Variants in CEP83 observed in about 807,000 individuals in gnomAD.
The protein encoded by CEP83 is centrosomal protein 83.
Under a neutral mutation model 101.9 loss-of-function variants are expected in CEP83, and 70 were observed. The observed-to-expected ratio is 0.69, with a 90% CI of 0.57 to 0.84. The LOEUF (loss-of-function observed/expected upper bound fraction) is 0.84, where lower values mean the gene tolerates loss of function less well. Among genes scored for constraint, CEP83 ranks in the 40% least tolerant of loss-of-function variants. The pLI is 0.00. For synonymous variants in CEP83, 264 were observed against 267.9 expected (o/e 0.99, Z 0.14); for missense variants, 715 against 787.2 (o/e 0.91, Z 1.10).
intron 1 of CEP83, among the ~76,000 whole-genome samples, chr12:94,458,467 G>C (rs138666495): frequency 6.6e-6 from 1 of 152,166 alleles, no homozygotes; most frequent in East Asian, 1.9e-4. Flanking sequence ...GGCCTGGTGC[G>C]GTGGCTCACA....
At chr12:94,433,578 G>A (rs2065795463) in intron 2 of CEP83, among the ~76,000 whole-genome samples, 1 of 151,914 alleles carries the variant, frequency 6.6e-6, no homozygotes, top group Non-Finnish European at 1.5e-5. Context: ...CTACTCAGGT[G>A]GCTGAGGTGG....
chr12:94,294,044 T>A, the CEP83 span, among the ~76,000 whole-genome samples: 1 of 152,302 alleles, frequency 6.6e-6, no homozygotes, highest in East Asian at 1.9e-4. Flanking sequence ...AACATAGGAA[T>A]CTGGAGGAGA....
intron 2 of CEP83, among the ~76,000 whole-genome samples, chr12:94,421,793 TACA>T (rs1046219872): frequency 2.6e-5 from 4 of 152,228 alleles, no homozygotes; most frequent in African/African-American, 9.6e-5. Context: ...TACAAACCTG[TACA>T]ACATGTTACT....
At chr12:94,444,140 C>T (rs1207971677) in intron 1 of CEP83, among the ~76,000 whole-genome samples, 26 of 152,208 alleles carry the variant, frequency 1.7e-4, no homozygotes, top group African/African-American at 6.3e-4. Flanking sequence ...GGCTCACGCC[C>T]GTAATTCCAG....
chr12:94,383,711 G>T (rs954928907), intron 6 of CEP83, among the ~76,000 whole-genome samples: 1 of 151,930 alleles, frequency 6.6e-6, no homozygotes, highest in African/African-American at 2.4e-5. Flanking sequence ...TTTCTTGCCT[G>T]TTACATGAAC....
chr12:94,431,824 T>A (rs1239091537), intron 2 of CEP83, among the ~76,000 whole-genome samples: 2 of 152,188 alleles, frequency 1.3e-5, no homozygotes. Flanking sequence ...AACTCTTATA[T>A]GCTGCTGGTA....
the CEP83 span, among the ~76,000 whole-genome samples, chr12:94,267,980 G>T: frequency 6.6e-6 from 1 of 152,244 alleles, no homozygotes. Context: ...CTGATTCTGT[G>T]TGTCCTTGTG....
rs192490223 is a variant in CEP83, at chr12:94,406,076, A to G, written c.325-2814T>C. On this transcript the variant is annotated intron_variant, in intron 4 of 16. Coordinates refer to ENST00000397809, the MANE Select transcript of CEP83 (RefSeq NM_016122.3). ...CTTTGTTTCATAAAGAAATTGTTAT[A>G]CTACTCAGAAGAGTCTTGCCTCAGT... 2.0e-5 allele frequency among the ~76,000 whole-genome samples: 3 copies of G among 152,336 alleles called. No homozygotes were observed. In the East Asian group the frequency reaches 5.8e-4, roughly 29 times the overall value.
At chr12:94,438,916 A>C (rs61430337) in intron 1 of CEP83, among the ~76,000 whole-genome samples, 13,076 of 152,266 alleles carry the variant, frequency 0.086, 674 homozygotes, top group Middle Eastern at 0.16. Flanking sequence ...CTGCTCCTGA[A>C]TGACCTCTGG....
At position 94,407,307 on chromosome 12, in the gene CEP83, A is replaced by T. The variant is rs928680246; in HGVS notation, c.325-4045T>A. ...AATAAACCCCAAGCACTACAGATAT[A>T]AAAAAAACTGCAAAGTATGTCAATC... On this transcript the variant is annotated intron_variant, in intron 4 of 16. Transcript: ENST00000397809. 2.6e-5 allele frequency among the ~76,000 whole-genome samples: 4 copies of T among 152,190 alleles called. 1 individual carries two copies. Among genetic ancestry groups the T allele is most frequent in the South Asian group, 4.2e-4 (2 of 4,818 alleles).
intron 6 of CEP83, among the ~76,000 whole-genome samples, chr12:94,396,595 T>C (rs1405287641): frequency 6.6e-6 from 1 of 152,070 alleles, no homozygotes; most frequent in Non-Finnish European, 1.5e-5. Context: ...GCCAACACTG[T>C]ATTTATTCGT....
At chr12:94,278,990 T>A in the CEP83 span, among the ~76,000 whole-genome samples, 12 of 98,646 alleles carry the variant, frequency 1.2e-4, no homozygotes, top group Admixed American at 1.1e-3. Context: ...AGAGCAAGAC[T>A]CCATCTCAAA....
At chr12:94,283,489 T>A in the CEP83 span, among the ~76,000 whole-genome samples, 18 of 152,224 alleles carry the variant, frequency 1.2e-4, no homozygotes, top group Non-Finnish European at 1.5e-5. Flanking sequence ...ACCTTCCCCA[T>A]TGCCTAGACA....
the CEP83 span, among the ~76,000 whole-genome samples, chr12:94,280,621 TGAG>T: frequency 1.3e-5 from 2 of 152,198 alleles, no homozygotes; most frequent in Non-Finnish European, 2.9e-5. Flanking sequence ...TTGAGTCACT[TGAG>T]GACCATTTTA....
the CEP83 span, among the ~76,000 whole-genome samples, chr12:94,297,620 G>C: frequency 2.6e-5 from 4 of 152,180 alleles, no homozygotes; most frequent in Non-Finnish European, 5.9e-5. Context: ...GCACTTTACA[G>C]ATTTGTACTG....
At chr12:94,411,294 A>T (rs910065743) in intron 4 of CEP83, among the ~76,000 whole-genome samples, 30 of 152,132 alleles carry the variant, frequency 2.0e-4, no homozygotes, top group African/African-American at 6.5e-4. Flanking sequence ...TACTGTTTTT[A>T]CAGTCTCTTT....
chr12:94,436,812 G>A (rs1424220822), intron 1 of CEP83, among the ~76,000 whole-genome samples: 1 of 148,808 alleles, frequency 6.7e-6, no homozygotes, highest in Non-Finnish European at 1.5e-5. Flanking sequence ...GGGCAACAGG[G>A]GGAGACTCCA....
At chr12:94,403,020 G>C in intron 5 of CEP83, 150 bp downstream of exon 5, 1 of 462,880 alleles carries the variant, frequency 2.2e-6, no homozygotes, top group Non-Finnish European at 3.8e-6. Flanking sequence ...GAGGTAATGG[G>C]AGTTCAATCC....
chr12:94,386,957 T>A (rs1395927243), intron 6 of CEP83, among the ~76,000 whole-genome samples: 2 of 152,142 alleles, frequency 1.3e-5, no homozygotes, highest in African/African-American at 2.4e-5. Context: ...TAAAGCTGCA[T>A]ATCTACAACA....
Sources: allele counts gnomAD v4.1 joint callset (sites outside exome capture counted in the v4.1 genomes callset), GRCh38; gene constraint gnomAD v4.1.1; transcripts MANE v1.5; gene names NCBI Gene and HGNC (gene_info 2026-07-23, HGNC 2026-07-21).